Variants in SMG1 observed in about 807,000 individuals in gnomAD.
SMG1 encodes the protein serine/threonine-protein kinase SMG1.
Under a neutral mutation model 419.9 loss-of-function variants are expected in SMG1, and 22 were observed. The ratio of observed to expected loss-of-function variants is 0.05; its 90% CI spans 0.04 to 0.07. The LOEUF is 0.07. Among genes scored for constraint, SMG1 ranks in the 10% least tolerant of loss-of-function variants. The pLI is 1.00. For missense variants in SMG1, 3,185 were observed against 4,342.0 expected (o/e 0.73, Z 7.49); for synonymous variants, 1,538 against 1,553.5 (o/e 0.99, Z 0.23).
chr16:18,903,816 G>C (rs2037443485), intron 1 of SMG1, among the ~76,000 whole-genome samples: 1 of 151,652 alleles, frequency 6.6e-6, no homozygotes, highest in Non-Finnish European at 1.5e-5. Flanking sequence ...AAATTCACCT[G>C]CATCTGCACA....
intron 51 of SMG1, among the ~76,000 whole-genome samples, chr16:18,830,980 A>G (rs1429535515): frequency 6.6e-6 from 1 of 152,214 alleles, no homozygotes; most frequent in South Asian, 2.1e-4. Flanking sequence ...AAAATGTCAG[A>G]AATCACACCA....
chr16:18,843,796 A>C (rs886861708), intron 39 of SMG1, among the ~76,000 whole-genome samples: 1 of 152,214 alleles, frequency 6.6e-6, no homozygotes, highest in African/African-American at 2.4e-5. Context: ...ACTATTTTTT[A>C]AAGTAGATAG....
intron 13 of SMG1, 78 bp downstream of exon 13, chr16:18,876,046 G>C (rs1059678): frequency 1.1e-5 from 16 of 1,415,730 alleles, no homozygotes; most frequent in Admixed American, 1.8e-5. Flanking sequence ...ATCTTGACAT[G>C]ACAGTGAAAT....
chr16:18,885,361 T>G (rs1415923242), intron 7 of SMG1, 180 bp downstream of exon 7: 1 of 790,128 alleles, frequency 1.3e-6, no homozygotes, highest in Middle Eastern at 3.6e-4. Flanking sequence ...TTTATTTTCT[T>G]CAAATATTTT....
At chr16:18,846,948 A>T (rs923060538) in intron 38 of SMG1, among the ~76,000 whole-genome samples, 3 of 152,218 alleles carry the variant, frequency 2.0e-5, no homozygotes, top group Non-Finnish European at 4.4e-5. Context: ...TCATACACCA[A>T]TGTTCACAGC....
chr16:18,918,293 A>C (rs1277416234), intron 1 of SMG1, among the ~76,000 whole-genome samples: 1 of 152,126 alleles, frequency 6.6e-6, no homozygotes, highest in Non-Finnish European at 1.5e-5. Context: ...CAAACAAAGA[A>C]AAAAACACTT....
intron 1 of SMG1, among the ~76,000 whole-genome samples, chr16:18,898,989 C>T (rs2037242432): frequency 6.6e-6 from 1 of 152,248 alleles, no homozygotes; most frequent in South Asian, 2.1e-4. Flanking sequence ...ACCTAACATG[C>T]AAGGTTGTTG....
rs974556645 is a variant in SMG1 at position 18,896,899 on chromosome 16, T to G, written c.150A>C (p.Arg50Ser). The part of the protein sequence containing the change: ...DNLKYSSSRD[R>S]GGSSSYGLQP... ...GCAGTCCATAAGAGGAAGAACCACC[T>G]CTATCTCTGGATGAAGAATATTTTA... is the stretch of plus-strand genomic sequence containing the variant. Residue 50 changes from arginine to serine, a missense_variant, in exon 2 of 63, where the codon AGA becomes AGC. Arg to Ser is a moderately radical substitution (Grantham distance 110, BLOSUM62 -1). Around this residue, in one of 27 missense-constraint regions of SMG1, gnomAD observed 88 missense variants for 85.9 expected, o/e 1.02. Coordinates refer to ENST00000446231, the MANE Select transcript of SMG1 (RefSeq NM_015092.5). 1 of 1,604,818 alleles carries G rather than the reference T, an allele frequency of 6.2e-7. No individual in the cohort carries two copies. The highest frequency in any genetic ancestry group is 8.5e-7 in the Non-Finnish European group (1 of 1,175,572).
At chr16:18,874,453 T>G (rs1333879337) in intron 13 of SMG1, among the ~76,000 whole-genome samples, 1 of 151,520 alleles carries the variant, frequency 6.6e-6, no homozygotes, top group Non-Finnish European at 1.5e-5. Context: ...CCTATTACTT[T>G]CTATTAAAAA....
At position 18,838,647 on chromosome 16, in the gene SMG1, T is replaced by C; in HGVS notation, c.6988A>G (p.Ile2330Val). The C allele has an allele frequency of 1.9e-6, 3 of 1,613,176 alleles. No homozygotes were observed. Among genetic ancestry groups the C allele is most frequent in the Non-Finnish European group, 2.5e-6 (3 of 1,179,582 alleles). Residue 2330 changes from isoleucine (I) to valine (V), a missense_variant, in exon 43 of 63, where the codon ATA becomes GTA. By Grantham distance (29) the Ile-to-Val change is conservative. This residue lies in a region of SMG1 where 132 missense variants were observed against 151.0 expected (regional missense o/e 0.87). Coordinates refer to ENST00000446231, the MANE Select transcript of SMG1 (RefSeq NM_015092.5). ...STAVMSMVGY[I>V]IGLGDRHLDN... ...AGATGTCTGTCTCCAAGGCCAATTA[T>C]GTATCCAACCATAGACATGACTGCA...
At chr16:18,909,109 G>A (rs565509027) in intron 1 of SMG1, among the ~76,000 whole-genome samples, 7 of 151,018 alleles carry the variant, frequency 4.6e-5, no homozygotes, top group Admixed American at 1.3e-4. Flanking sequence ...TTAGGAGGCC[G>A]AGGCAGGTGG....
At chr16:18,916,092 A>G in intron 1 of SMG1, among the ~76,000 whole-genome samples, 1 of 84,842 alleles carries the variant, frequency 1.2e-5, no homozygotes, top group African/African-American at 5.1e-5. Flanking sequence ...AAAAAAAACC[A>G]GAAAAAAAAA....
intron 1 of SMG1, chr16:18,925,349 A>AG (rs1411748018): frequency 2.0e-5 from 3 of 152,262 alleles, no homozygotes; most frequent in African/African-American, 4.8e-5. Context: ...CCTTGCACTT[A>AG]GGGAAAACTT....
At chr16:18,829,205 G>C (rs2032987676) in intron 54 of SMG1, 81 bp downstream of exon 54, 3 of 1,227,850 alleles carry the variant, frequency 2.4e-6, no homozygotes, top group Non-Finnish European at 3.3e-6. Flanking sequence ...AAAAATTTCT[G>C]TGTATTGTTT....
chr16:18,877,482 A>T, intron 11 of SMG1: 2 of 342,182 alleles, frequency 5.8e-6, no homozygotes. Context: ...GGAACATAAA[A>T]GATTTTTAGG....
At chr16:18,900,992 A>G (rs945048599) in intron 1 of SMG1, among the ~76,000 whole-genome samples, 1 of 152,200 alleles carries the variant, frequency 6.6e-6, no homozygotes, top group Non-Finnish European at 1.5e-5. Context: ...ATATGAGTCT[A>G]TGGCTAAAAT....
chr16:18,853,506 A>T (rs747277508), intron 31 of SMG1, 77 bp downstream of exon 31: 8 of 1,233,174 alleles, frequency 6.5e-6, no homozygotes, highest in Non-Finnish European at 8.8e-6. Context: ...TATAGCCAGC[A>T]TAACATTATA....
At position 18,819,587 on chromosome 16, in the gene SMG1, G is replaced by A. The variant is rs2032332423; in HGVS notation, c.9809C>T (p.Ala3270Val). The A allele has an allele frequency of 1.3e-6, 2 of 1,597,272 alleles. No individual in the cohort carries two copies. The highest frequency in any genetic ancestry group is 1.7e-6 in the Non-Finnish European group (2 of 1,171,232). The change falls in exon 56 of 63, where the codon GCA becomes GTA. Residue 3270 changes from alanine to valine, a missense_variant. This residue lies in a region of SMG1 where 737 missense variants were observed against 846.6 expected (regional missense o/e 0.87). Coordinates refer to ENST00000446231, the MANE Select transcript of SMG1 (RefSeq NM_015092.5). ...RLKWAGGANP[A>V]LAPVLQDFEA... ...AAAATCTTGTAGTACAGGGGCCAAT[G>A]CAGGGTTGGCACCACCTGCCCACTT...
At chr16:18,849,177 T>A in intron 36 of SMG1, 40 bp downstream of exon 36, 1 of 1,389,696 alleles carries the variant, frequency 7.2e-7, no homozygotes, top group Non-Finnish European at 9.6e-7. Context: ...ATTGGCACAG[T>A]CATTTATACT....
Sources: allele counts gnomAD v4.1 joint callset (sites outside exome capture counted in the v4.1 genomes callset), GRCh38; gene constraint gnomAD v4.1.1; regional missense constraint gnomAD v4.1.1; transcripts MANE v1.5; gene names NCBI Gene and HGNC (gene_info 2026-07-23, HGNC 2026-07-21).